Variants in HEPHL1 observed in about 807,000 individuals in gnomAD.
HEPHL1 encodes the protein ferroxidase HEPHL1.
A neutral mutation model predicts 122.0 loss-of-function variants in HEPHL1; 123 were observed. The observed-to-expected ratio is 1.01, with a 90% CI of 0.87 to 1.17. The LOEUF is 1.17. HEPHL1 is among the 50% of genes most tolerant of loss of function. HEPHL1 has a pLI of 0.00. For synonymous variants in HEPHL1, 527 were observed against 508.9 expected (o/e 1.04, Z -0.48); for missense variants, 1,452 against 1,430.5 (o/e 1.01, Z -0.24).
intron 2 of HEPHL1, among the ~76,000 whole-genome samples, chr11:94,056,657 T>TATCTATCTATCTATCTATC (rs3060401): frequency 5.4e-4 from 60 of 111,916 alleles, no homozygotes; most frequent in Admixed American, 6.7e-4. Context: ...CTATTATTGA[T>TATCTATCTATCTATCTATC]TATCTATCTA....
intron 12 of HEPHL1, among the ~76,000 whole-genome samples, chr11:94,091,623 C>G (rs1480031075): frequency 6.6e-6 from 1 of 152,132 alleles, no homozygotes; most frequent in African/African-American, 2.4e-5. Flanking sequence ...CATGGTAAGA[C>G]TTTAGAACAA....
intron 1 of HEPHL1, among the ~76,000 whole-genome samples, chr11:94,029,951 C>T (rs182253093): frequency 2.6e-5 from 4 of 152,106 alleles, no homozygotes; most frequent in Non-Finnish European, 5.9e-5. Context: ...GACCTCTTAG[C>T]AGATTAAAAG....
chr11:94,096,717 T>A (rs1485337466), intron 13 of HEPHL1, among the ~76,000 whole-genome samples: 1 of 152,150 alleles, frequency 6.6e-6, no homozygotes, highest in African/African-American at 2.4e-5. Context: ...GTCTATTCAG[T>A]AATTCAACTT....
intron 2 of HEPHL1, among the ~76,000 whole-genome samples, chr11:94,063,015 C>A (rs1262031828): frequency 1.3e-5 from 2 of 152,190 alleles, no homozygotes; most frequent in African/African-American, 4.8e-5. Context: ...GTCTGCCCAA[C>A]AGAACTATAT....
chr11:94,099,286 C>G (rs908165327), intron 13 of HEPHL1, among the ~76,000 whole-genome samples: 12 of 152,170 alleles, frequency 7.9e-5, no homozygotes, highest in Admixed American at 5.9e-4. Flanking sequence ...CACTCTGGAC[C>G]CTGTTTGCCT....
chr11:94,078,926 T>C (rs560735679), intron 9 of HEPHL1, among the ~76,000 whole-genome samples: 1 of 152,308 alleles, frequency 6.6e-6, no homozygotes, highest in East Asian at 1.9e-4. Context: ...AGTTAAGTTA[T>C]TCATAAATTC....
intron 1 of HEPHL1, among the ~76,000 whole-genome samples, chr11:94,034,123 G>A (rs891182885): frequency 5.9e-5 from 9 of 152,224 alleles, no homozygotes; most frequent in Non-Finnish European, 1.3e-4. Context: ...GGGAGGAAAT[G>A]AGGTTGGAGA....
chr11:94,101,177 C>T lies in HEPHL1; in HGVS notation c.2435-18C>T. On this transcript the variant is annotated intron_variant, in intron 13 of 19. Transcript: ENST00000315765. ...AAAGAGCAATAATAATGCACACAGG[C>T]CTGTGTTTTGCCTTTAGGCCCAATG... 1 of 1,613,126 alleles carries T rather than the reference C, an allele frequency of 6.2e-7. No homozygotes were observed. The highest frequency in any genetic ancestry group is 8.5e-7 in the Non-Finnish European group (1 of 1,179,264).
At chr11:94,057,092 C>T (rs1945943762) in intron 2 of HEPHL1, among the ~76,000 whole-genome samples, 2 of 152,034 alleles carry the variant, frequency 1.3e-5, no homozygotes, top group Non-Finnish European at 2.9e-5. Flanking sequence ...CTTCTGGGTT[C>T]GAATGTTCAG....
chr11:94,064,496 G>A lies in HEPHL1; in HGVS notation c.794G>A (p.Ser265Asn), dbSNP rs781528122. 6.2e-7 allele frequency: 1 copy of A among 1,611,958 alleles called. No individual in the cohort carries two copies. The highest frequency in any genetic ancestry group is 1.7e-4 in the Middle Eastern group (1 of 6,050). ...VDKKDAVFQR[S>N]NKMHALNGYL... is the part of the protein sequence containing the mutation. ...AAGAAAGATGCTGTTTTCCAGAGGA[G>A]TAACAAAATGCATGGTGAGTACCTC... is the stretch of plus-strand genomic sequence containing the variant. Residue 265 changes from serine (S) to asparagine (N), a missense_variant, in exon 4 of 20, where the codon AGT becomes AAT. Coordinates refer to ENST00000315765, the MANE Select transcript of HEPHL1 (RefSeq NM_001098672.2).
At chr11:94,065,000 G>C (rs571072373) in intron 4 of HEPHL1, among the ~76,000 whole-genome samples, 1 of 152,200 alleles carries the variant, frequency 6.6e-6, no homozygotes, top group Non-Finnish European at 1.5e-5. Flanking sequence ...ATATTTCCCA[G>C]GCATTCTTTA....
Position 94,063,650 on chromosome 11 carries a change from C to G in HEPHL1, c.558C>G (p.Tyr186Ter). 1 of 1,613,854 alleles carries G rather than the reference C, an allele frequency of 6.2e-7. No individual in the cohort carries two copies. The highest frequency in any genetic ancestry group is 8.5e-7 in the Non-Finnish European group (1 of 1,179,840). ...PADANCLTWV[Y>*]HSHIDAPKDI... ...ATGCCAACTGCCTGACCTGGGTGTA[C>G]CATTCGCACATCGACGCCCCAAAGG... is the stretch of plus-strand genomic sequence containing the variant. Residue 186 changes from tyrosine (Y) to a stop codon, truncating the protein, a stop_gained, in exon 3 of 20, where the codon TAC (tyrosine) becomes TAG (stop). Transcript: ENST00000315765. LOFTEE classifies it high-confidence loss of function.
At position 94,021,387 on chromosome 11, in the gene HEPHL1, G is replaced by C; in HGVS notation, c.19G>C (p.Ala7Pro). MPRKQPAGCIFLLTFLG... is the reference protein window; with the variant it reads MPRKQPPGCIFLLTFLG... ...TCCACAAATGCCTCGGAAGCAGCCA[G>C]CTGGCTGCATCTTTCTCCTCACATT... Residue 7 changes from alanine to proline, a missense_variant, in exon 1 of 20, where the codon GCT (alanine) becomes CCT (proline). Transcript: ENST00000315765. The C allele has an allele frequency of 6.2e-7, 1 of 1,612,812 alleles. No individual in the cohort carries two copies. The highest frequency in any genetic ancestry group is 8.5e-7 in the Non-Finnish European group (1 of 1,179,416).
At chr11:94,052,365 A>G (rs1461594440) in intron 2 of HEPHL1, among the ~76,000 whole-genome samples, 1 of 151,792 alleles carries the variant, frequency 6.6e-6, no homozygotes, top group Non-Finnish European at 1.5e-5. Flanking sequence ...TAGGTATTTA[A>G]TTTTATTTGT....
Position 94,111,603 on chromosome 11 carries a change from A to T in HEPHL1, c.3275A>T (p.Asn1092Ile). The T allele has an allele frequency of 6.2e-7, 1 of 1,606,834 alleles. No individual in the cohort carries two copies. The highest frequency in any genetic ancestry group is 1.1e-5 in the South Asian group (1 of 89,776). ...TCTCACCCAGCCACGGTGCCATCTAACGGTAATGATACCCTCTCCCCATGT... is the reference window on the plus strand; with the variant it reads ...TCTCACCCAGCCACGGTGCCATCTATCGGTAATGATACCCTCTCCCCATGT... Reference protein sequence around the residue: ...VASHPATVPSNERPGKEQLYF... With the variant: ...VASHPATVPSIERPGKEQLYF... Residue 1092 changes from asparagine (N) to isoleucine (I), a missense_variant and splice_region_variant, in exon 19 of 20, where the codon AAC becomes ATC. Transcript: ENST00000315765.
Position 94,073,434 on chromosome 11 carries a change from T to G in HEPHL1, c.1499T>G (p.Leu500Arg). Residue 500 changes from leucine (L) to arginine (R), a missense_variant, in exon 8 of 20, where the codon CTA becomes CGA. Physicochemically the swap from Leu to Arg is moderately radical, Grantham distance 102 (BLOSUM62 -2). Transcript: ENST00000315765. Reference sequence around the variant, plus strand: ...AAGGCATCTGATGCAGCCCCAAACCTAGATGGTAAGTCTCACTCTGGGCTT... The same window carrying G: ...AAGGCATCTGATGCAGCCCCAAACCGAGATGGTAAGTCTCACTCTGGGCTT... ...YDKASDAAPN[L>R]DGFVKPGAHV... is the part of the protein sequence containing the mutation. 1 of 1,553,062 alleles carries G rather than the reference T, an allele frequency of 6.4e-7. No individual in the cohort carries two copies. The highest frequency in any genetic ancestry group is 8.7e-7 in the Non-Finnish European group (1 of 1,147,318).
intron 9 of HEPHL1, among the ~76,000 whole-genome samples, chr11:94,079,115 A>T (rs971339726): frequency 2.6e-5 from 4 of 152,198 alleles, no homozygotes; most frequent in Admixed American, 2.6e-4. Flanking sequence ...TAATAACAGC[A>T]CTGAGTGCTT....
chr11:94,049,702 A>G (rs918214398), intron 2 of HEPHL1, among the ~76,000 whole-genome samples: 2 of 151,946 alleles, frequency 1.3e-5, no homozygotes, highest in Non-Finnish European at 2.9e-5. Context: ...CTATATACTT[A>G]TCCTTGGACC....
intron 12 of HEPHL1, among the ~76,000 whole-genome samples, chr11:94,091,523 A>G (rs1478599571): frequency 2.0e-5 from 3 of 152,222 alleles, no homozygotes; most frequent in African/African-American, 7.2e-5. Context: ...GCATTTATTA[A>G]ATACCTACTA....
Sources: gnomAD v4.1 joint callset for allele counts (sites outside exome capture counted in the v4.1 genomes callset) on GRCh38, gnomAD v4.1.1 for gene constraint, MANE v1.5 for transcripts, NCBI Gene and HGNC (gene_info 2026-07-23, HGNC 2026-07-21) for gene names.